The following FRYL variants were observed in gnomAD, a reference collection of about 807,000 sequenced individuals.
The protein encoded by FRYL is FRY like transcription coactivator.
In FRYL, 150 loss-of-function variants were observed where a neutral mutation model predicts 351.2. The ratio of observed to expected loss-of-function variants is 0.43; its 90% CI spans 0.37 to 0.49. FRYL has a LOEUF of 0.49. FRYL is among the 20% of genes least tolerant of loss of function. The pLI, the probability that FRYL is intolerant of heterozygous loss-of-function variation, is 0.00. For missense variants in FRYL, 3,036 were observed against 3,619.3 expected (o/e 0.84, Z 4.13); for synonymous variants, 1,153 against 1,257.1 (o/e 0.92, Z 1.75).
intron 1 of FRYL, among the ~76,000 whole-genome samples, chr4:48,742,815 T>C (rs1236289536): frequency 2.0e-5 from 3 of 151,560 alleles, no homozygotes; most frequent in Non-Finnish European, 4.4e-5. Flanking sequence ...AGATTTTTTG[T>C]TGTTTTTTTG....
intron 1 of FRYL, among the ~76,000 whole-genome samples, chr4:48,747,443 C>A (rs1279989023): frequency 6.6e-6 from 1 of 152,166 alleles, no homozygotes; most frequent in African/African-American, 2.4e-5. Flanking sequence ...ATTACTTTTA[C>A]AATTATTTTA....
Position 48,702,773 on chromosome 4 carries a change from A to AG in FRYL, c.-204+7745_-204+7746insC, listed in dbSNP as rs1766907223. Among the ~76,000 whole-genome samples the AG allele has an allele frequency of 5.0e-5, 7 of 139,268 alleles. 2 individuals are homozygous for AG. Among genetic ancestry groups the AG allele is most frequent in the Admixed American group, 2.2e-4 (3 of 13,526 alleles). 91.4% of individuals were successfully genotyped at this position (139,268 alleles called of 152,430 possible). On this transcript the variant is annotated intron_variant, in intron 2 of 63. Transcript: ENST00000358350. ...AAGACTCCGTCTCAAAAAAAAAAAAAAAAGAAAAAGAAAGAAAAGAAAAAA... is the reference window on the plus strand; with the variant it reads ...AAGACTCCGTCTCAAAAAAAAAAAAAGAAAGAAAAAGAAAGAAAAGAAAAAA...
rs189870607 is a variant in FRYL at position 48,548,943 on chromosome 4, A to G, written c.4785-150T>C. The G allele has an allele frequency of 1.9e-4, 107 of 575,986 alleles. No homozygotes were observed. The East Asian group carries it at 2.9e-3, about 16-fold the overall frequency. The allele number at this position is 575,986 out of a possible 1,614,324, so 35.7% of individuals were successfully genotyped here. A position where few individuals can be genotyped will look rare whatever the true frequency, so the allele number is the denominator to read the frequency against. On this transcript the variant is annotated intron_variant, in intron 39 of 63. Transcript: ENST00000358350. ...AAAGGAGGAAAAACAAATACAGCTGAAGAAAACGTTAACCATTAAGTTAAA... is the reference window on the plus strand; with the variant it reads ...AAAGGAGGAAAAACAAATACAGCTGGAGAAAACGTTAACCATTAAGTTAAA...
rs553945056 is a variant in FRYL at position 48,659,006 on chromosome 4, T to G, written c.-80-24516A>C. Among the ~76,000 whole-genome samples, 14 of 152,286 alleles carry G rather than the reference T, an allele frequency of 9.2e-5. No individual in the cohort carries two copies. In the South Asian group the frequency reaches 2.9e-3, roughly 32 times the overall value. On this transcript the variant is annotated intron_variant, in intron 3 of 63. Transcript: ENST00000358350. ...TCTATTTACTTACGCCTTCCTATATTTCTCAAATTTTCTTCAAAAAATGTT... is the reference window on the plus strand; with the variant it reads ...TCTATTTACTTACGCCTTCCTATATGTCTCAAATTTTCTTCAAAAAATGTT...
At chr4:48,719,983 C>G (rs772563221) in intron 1 of FRYL, among the ~76,000 whole-genome samples, 1 of 150,832 alleles carries the variant, frequency 6.6e-6, no homozygotes, top group Non-Finnish European at 1.5e-5. Flanking sequence ...AACCCTATCC[C>G]TACTAAAAAT....
intron 56 of FRYL, among the ~76,000 whole-genome samples, chr4:48,513,930 C>T (rs1162564804): frequency 1.3e-5 from 2 of 152,262 alleles, no homozygotes; most frequent in East Asian, 3.9e-4. Flanking sequence ...TTCTGGCATC[C>T]CTGAACTTGT....
rs1290079846 is a variant in FRYL, at chr4:48,570,931, T to C, written c.2905-13A>G. On this transcript the variant is annotated splice_polypyrimidine_tract_variant and intron_variant, in intron 26 of 63. Transcript: ENST00000358350. ...GCCGTTTCATATTCTATTCCAAAGA[T>C]ACAAACACATTAATTAAAATCCTGC... 2.5e-6 allele frequency: 4 copies of C among 1,585,764 alleles called. No homozygotes were observed. The African/African-American group carries it at 4.0e-5, about 16-fold the overall frequency.
At chr4:48,535,367 G>A (rs186082198) in intron 48 of FRYL, among the ~76,000 whole-genome samples, 20 of 151,638 alleles carry the variant, frequency 1.3e-4, no homozygotes, top group African/African-American at 4.6e-4. Context: ...AGTAAATAAG[G>A]ATATAAACAC....
Position 48,512,591 on chromosome 4 carries a change from C to A in FRYL, c.8035G>T (p.Ala2679Ser), listed in dbSNP as rs778017796. Residue 2679 changes from alanine (A) to serine (S), a missense_variant, in exon 57 of 64, where the codon GCA becomes TCA. Around this residue, in one of 7 missense-constraint regions of FRYL, gnomAD observed 1,987 missense variants for 2,311.7 expected, o/e 0.86. Transcript: ENST00000358350. ...SAIIAAFQPV[A>S]YDDEEEAWRC... is the part of the protein sequence containing the mutation. The stretch of plus-strand genomic sequence containing the variant: ...CAGGCTTCCTCTTCATCATCATATG[C>A]CACGGGCTGAAAGGCGGCTATGATG... The A allele has an allele frequency of 7.4e-6, 12 of 1,613,868 alleles. No homozygotes were observed. The highest frequency in any genetic ancestry group is 1.7e-5 in the Admixed American group (1 of 59,978).
rs1054960717 is a variant in FRYL, at chr4:48,763,926, C to T, written c.-384+16152G>A. ...GCTCACATCTGTAATCCCAGCACTT[C>T]GGGAGTATGAGGCGGGCGGCTCACC... On this transcript the variant is annotated intron_variant, in intron 1 of 63. Transcript: ENST00000358350. 4.6e-5 allele frequency among the ~76,000 whole-genome samples: 7 copies of T among 152,088 alleles called. 3 individuals carry two copies.
chr4:48,506,615 AATATATATATATATATATATAT>A (rs55736457), intron 59 of FRYL: 1,080 of 71,742 alleles, frequency 0.015, 45 homozygotes, highest in East Asian at 0.088. Flanking sequence ...CAATACAACT[AATATATATATATATATATATAT>A]ATATATATAT....
At chr4:48,735,971 T>TAAAAA (rs71191254) in intron 1 of FRYL, among the ~76,000 whole-genome samples, 11 of 100,648 alleles carry the variant, frequency 1.1e-4, no homozygotes, top group South Asian at 3.4e-4. Flanking sequence ...TAGAGTATAA[T>TAAAAA]AAAAAAAAAA....
intron 3 of FRYL, among the ~76,000 whole-genome samples, chr4:48,635,986 T>C (rs1383653761): frequency 6.6e-6 from 1 of 152,132 alleles, no homozygotes; most frequent in Non-Finnish European, 1.5e-5. Context: ...CTACCACACA[T>C]AGGTCAAAAT....
At chr4:48,528,959 C>T (rs1726906877) in intron 50 of FRYL, among the ~76,000 whole-genome samples, 1 of 152,142 alleles carries the variant, frequency 6.6e-6, no homozygotes. Context: ...AATTCAAGCT[C>T]ATCTGCATGT....
In FRYL at chr4:48,575,201, ATG is replaced by A; in HGVS notation, c.2760_2761del (p.Ile921SerfsTer7). 6.2e-7 allele frequency: 1 copy of A among 1,613,926 alleles called. No homozygotes were observed. Among genetic ancestry groups the A allele is most frequent in the Non-Finnish European group, 8.5e-7 (1 of 1,179,806 alleles). On this transcript the variant is annotated frameshift_variant, in exon 25 of 64. Coordinates refer to ENST00000358350, the MANE Select transcript of FRYL (RefSeq NM_015030.2). LOFTEE classifies it high-confidence loss of function. Reference sequence around the variant, plus strand: ...GCTCTCAGAACGCATCATTGGAACTATGTGCTTAAACAAGGATGAAGGGGATG... The same window carrying A: ...GCTCTCAGAACGCATCATTGGAACTATGCTTAAACAAGGATGAAGGGGATG...
At chr4:48,573,040 A>T in intron 26 of FRYL, 146 bp downstream of exon 26, 1 of 598,014 alleles carries the variant, frequency 1.7e-6, no homozygotes, top group Non-Finnish European at 2.9e-6. Flanking sequence ...TTTCTGCATA[A>T]GATCTTCTGC....
At chr4:48,650,346 AG>A (rs1287671893) in intron 3 of FRYL, among the ~76,000 whole-genome samples, 1 of 152,328 alleles carries the variant, frequency 6.6e-6, no homozygotes. Context: ...AGCTTAAATA[AG>A]CATTAAATAC....
chr4:48,632,102 A>ATATG (rs1553957602), intron 4 of FRYL, among the ~76,000 whole-genome samples: 59 of 36,720 alleles, frequency 1.6e-3, no homozygotes, highest in African/African-American at 3.5e-3. Flanking sequence ...ATATATATAT[A>ATATG]TATATATATA....
chr4:48,649,607 T>G (rs1237077270), intron 3 of FRYL, among the ~76,000 whole-genome samples: 1 of 152,200 alleles, frequency 6.6e-6, no homozygotes, highest in Admixed American at 6.5e-5. Context: ...AATGATAACA[T>G]CCTCACGACA....
Sources: gnomAD v4.1 joint callset for allele counts (sites outside exome capture counted in the v4.1 genomes callset) on GRCh38, gnomAD v4.1.1 for gene constraint, gnomAD v4.1.1 regional missense constraint, MANE v1.5 for transcripts, NCBI Gene and HGNC (gene_info 2026-07-23, HGNC 2026-07-21) for gene names.